SETBP1: variants seen among roughly 807,000 people sequenced by gnomAD.
SETBP1 encodes the protein SET binding protein 1.
In SETBP1, 9 loss-of-function variants were observed where a neutral mutation model predicts 101.0. That is an observed-to-expected ratio of 0.09 (90% confidence interval 0.05 to 0.16). The LOEUF is 0.16. Among genes scored for constraint, SETBP1 ranks in the 10% least tolerant of loss-of-function variants. The pLI is 1.00. For synonymous variants in SETBP1, 818 were observed against 788.5 expected, an observed-to-expected ratio of 1.04 and a Z score of -0.63; for missense variants, 1,858 against 2,033.8, an observed-to-expected ratio of 0.91 and a Z score of 1.66.
At chr18:44,768,484 T>G (rs2144622210) in intron 2 of SETBP1, among the ~76,000 whole-genome samples, 2 of 152,334 alleles carry the variant, frequency 1.3e-5, no homozygotes, top group East Asian at 3.9e-4. Flanking sequence ...TTCAGTTTAA[T>G]TCTTCAATTA....
chr18:44,878,154 C>G (rs2069452142), intron 3 of SETBP1, among the ~76,000 whole-genome samples: 1 of 152,122 alleles, frequency 6.6e-6, no homozygotes, highest in Admixed American at 6.5e-5. Flanking sequence ...CTGATTTAAA[C>G]TCAATTTTTT....
intron 2 of SETBP1, among the ~76,000 whole-genome samples, chr18:44,755,504 C>T (rs2070472524): frequency 1.3e-5 from 2 of 151,646 alleles, no homozygotes; most frequent in Admixed American, 1.3e-4. Flanking sequence ...CTTCCTCCTG[C>T]CCTTAGACAT....
chr18:44,754,432 A>G (rs1031116934), intron 2 of SETBP1, among the ~76,000 whole-genome samples: 24 of 152,180 alleles, frequency 1.6e-4, no homozygotes, highest in African/African-American at 5.1e-4. Flanking sequence ...GATTATTTCA[A>G]ATTTGATGTA....
intron 4 of SETBP1, among the ~76,000 whole-genome samples, chr18:44,980,544 T>A (rs1362485123): frequency 6.6e-6 from 1 of 151,868 alleles, no homozygotes; most frequent in Non-Finnish European, 1.5e-5. Context: ...CCAAGTTCAG[T>A]TCTGAATAGC....
intron 4 of SETBP1, among the ~76,000 whole-genome samples, chr18:45,035,378 C>T (rs2073376615): frequency 6.6e-6 from 1 of 152,088 alleles, no homozygotes; most frequent in Non-Finnish European, 1.5e-5. Flanking sequence ...CTAGGGTTTT[C>T]AAGAGAGCTA....
intron 2 of SETBP1, among the ~76,000 whole-genome samples, chr18:44,833,518 A>G (rs1215370749): frequency 1.3e-5 from 2 of 152,200 alleles, no homozygotes; most frequent in East Asian, 1.9e-4. Flanking sequence ...CCTGCATTAC[A>G]TGGGCCTGGG....
At chr18:44,835,597 A>C (rs1408454750) in intron 2 of SETBP1, among the ~76,000 whole-genome samples, 4 of 152,226 alleles carry the variant, frequency 2.6e-5, no homozygotes, top group African/African-American at 4.8e-5. Flanking sequence ...TTATCTGGCA[A>C]CCCTACATTT....
intron 2 of SETBP1, among the ~76,000 whole-genome samples, chr18:44,800,632 T>C (rs1393127603): frequency 1.3e-5 from 2 of 152,078 alleles, no homozygotes; most frequent in South Asian, 4.1e-4. Context: ...AGGACGTTTT[T>C]CCAAAAGACC....
chr18:44,869,458 T>A, intron 3 of SETBP1, 175 bp downstream of exon 3: 1 of 686,164 alleles, frequency 1.5e-6, no homozygotes, highest in Non-Finnish European at 2.7e-6. Flanking sequence ...CTCCTCTCAT[T>A]CTAGCATGGA....
At chr18:44,893,770 A>G (rs181467829) in intron 3 of SETBP1, among the ~76,000 whole-genome samples, 1 of 152,274 alleles carries the variant, frequency 6.6e-6, no homozygotes, top group Admixed American at 6.5e-5. Context: ...GAGTAAGTGC[A>G]AATTTTGTTT....
At position 44,798,132 on chromosome 18, in the gene SETBP1, C is replaced by T. The variant is rs148486365; in HGVS notation, c.487-71098C>T. On this transcript the variant is annotated intron_variant, in intron 2 of 5. Coordinates refer to ENST00000649279, the MANE Select transcript of SETBP1 (RefSeq NM_015559.3). ...ATGCAACATCTGGAGATTCATAGAC[C>T]CTCTTAGGAGGACCATAATCACAAA... Among the ~76,000 whole-genome samples the T allele has an allele frequency of 2.6e-5, 4 of 152,178 alleles. No individual in the cohort carries two copies. In the East Asian group the frequency reaches 7.7e-4, roughly 29 times the overall value.
chr18:45,068,341 A>G lies in SETBP1; in HGVS notation c.*4643A>G, dbSNP rs1047477459. 6.6e-6 allele frequency: 1 copy of G among 152,046 alleles called. No individual in the cohort carries two copies. Among genetic ancestry groups the G allele is most frequent in the East Asian group, 1.9e-4 (1 of 5,182 alleles). 9.4% of individuals were successfully genotyped at this position (152,046 alleles called of 1,614,324 possible). A position where few individuals can be genotyped will look rare whatever the true frequency, so the allele number is the denominator to read the frequency against. On this transcript the variant is annotated 3_prime_UTR_variant, in exon 6 of 6. Transcript: ENST00000649279. ...AGCATGCTTACTGTCATGCTCCTCC[A>G]TGGTCTTAGATGTTGGGTTTTAAAC...
chr18:44,969,945 G>A (rs1324730775), intron 4 of SETBP1: 2 of 152,972 alleles, frequency 1.3e-5, no homozygotes, highest in Non-Finnish European at 2.9e-5. Context: ...TCCACTTGAG[G>A]TCACATAGGC....
chr18:44,691,954 T>C (rs2068941768), intron 1 of SETBP1, among the ~76,000 whole-genome samples: 1 of 152,222 alleles, frequency 6.6e-6, no homozygotes, highest in Admixed American at 6.5e-5. Context: ...GGGATTAGAA[T>C]GTGGAATTCC....
intron 2 of SETBP1, among the ~76,000 whole-genome samples, chr18:44,785,550 AC>A (rs1406072353): frequency 6.6e-6 from 1 of 152,180 alleles, no homozygotes; most frequent in Non-Finnish European, 1.5e-5. Flanking sequence ...TTCTCTGGAT[AC>A]AAATGTCTGA....
chr18:44,915,529 C>T (rs1169875990), intron 3 of SETBP1, among the ~76,000 whole-genome samples: 1 of 152,174 alleles, frequency 6.6e-6, no homozygotes, highest in African/African-American at 2.4e-5. Context: ...GACAAAAACA[C>T]ATAAAAATAA....
intron 2 of SETBP1, among the ~76,000 whole-genome samples, chr18:44,834,295 T>C (rs8094250): frequency 0.038 from 5,755 of 152,248 alleles, 367 homozygotes; most frequent in African/African-American, 0.13. Context: ...AAGCCTTGCA[T>C]AGAGAGAGTA....
At chr18:44,807,517 G>A (rs1200248424) in intron 2 of SETBP1, among the ~76,000 whole-genome samples, 3 of 152,040 alleles carry the variant, frequency 2.0e-5, no homozygotes, top group Non-Finnish European at 4.4e-5. Context: ...TTCTGGCCGA[G>A]AGTACTTAGC....
rs770539342 is a variant in SETBP1, at chr18:44,952,739, C to T, written c.3399C>T (p.Asn1133=). ...TTGGTGACATGCAGCCTTCTCTGAA[C>T]CCTCCCAAGGTAGGCAGTGCCAGTC... is the stretch of plus-strand genomic sequence containing the variant. ...MGLGDMQPSL[N]PPKVGSASLS... The change falls in exon 4 of 6, where the codon AAC becomes AAT. Residue 1133 remains asparagine, a synonymous_variant. Coordinates refer to ENST00000649279, the MANE Select transcript of SETBP1 (RefSeq NM_015559.3). 5 of 1,613,974 alleles carry T rather than the reference C, an allele frequency of 3.1e-6. No individual in the cohort carries two copies. The highest frequency in any genetic ancestry group is 2.2e-5 in the East Asian group (1 of 44,882).
Sources: allele counts gnomAD v4.1 joint callset (sites outside exome capture counted in the v4.1 genomes callset), GRCh38; gene constraint gnomAD v4.1.1; transcripts MANE v1.5; gene names NCBI Gene and HGNC (gene_info 2026-07-23, HGNC 2026-07-21).